TBL1X: variants seen among roughly 807,000 people sequenced by gnomAD.
TBL1X encodes transducin beta like 1 X-linked, also known as F-box-like/WD repeat-containing protein TBL1X.
A neutral mutation model predicts 50.7 loss-of-function variants in TBL1X; 10 were observed. The observed-to-expected ratio is 0.20, with a 90% CI of 0.12 to 0.33. The LOEUF is 0.33. Among genes scored for constraint, TBL1X ranks in the 10% least tolerant of loss-of-function variants. The pLI, the probability that TBL1X is intolerant of heterozygous loss-of-function variation, is 1.00. For synonymous variants in TBL1X, 190 were observed against 214.7 expected, an observed-to-expected ratio of 0.88 and a Z score of 1.01; for missense variants, 340 against 504.4, an observed-to-expected ratio of 0.67 and a Z score of 3.12.
chrX:9,591,421 G>T (rs1395988604), intron 2 of TBL1X, among the ~76,000 whole-genome samples: 3 of 112,203 alleles, frequency 2.7e-5, no homozygotes, highest in African/African-American at 9.7e-5. Flanking sequence ...TTGGCCAGCC[G>T]ATTCATGCAG....
chrX:9,640,796 A>T (rs1294213142), intron 3 of TBL1X, among the ~76,000 whole-genome samples: 1 of 111,045 alleles, frequency 9.0e-6, no homozygotes, highest in African/African-American at 3.3e-5. Context: ...ACACCTGGCT[A>T]ATTTTTAAAA....
At chrX:9,495,988 C>T (rs2081969330) in intron 1 of TBL1X, among the ~76,000 whole-genome samples, 2 of 112,208 alleles carry the variant, frequency 1.8e-5, no homozygotes, top group Admixed American at 1.9e-4. Flanking sequence ...AAATGTTAGC[C>T]AATAGGCAAA....
chrX:9,584,750 A>T (rs778927290), intron 2 of TBL1X, among the ~76,000 whole-genome samples: 25 of 112,048 alleles, frequency 2.2e-4, no homozygotes, highest in Non-Finnish European at 4.5e-4. Context: ...AGAATTGAGG[A>T]TATGCTACAT....
intron 1 of TBL1X, among the ~76,000 whole-genome samples, chrX:9,478,938 A>G (rs1235092474): frequency 8.9e-6 from 1 of 112,540 alleles, no homozygotes; most frequent in Non-Finnish European, 1.9e-5. Context: ...AAAGCTAGAA[A>G]TGTCCTGGCT....
intron 1 of TBL1X, among the ~76,000 whole-genome samples, chrX:9,477,589 A>G (rs1183258862): frequency 3.6e-5 from 4 of 112,182 alleles, no homozygotes; most frequent in Non-Finnish European, 7.5e-5. Flanking sequence ...GCTTGCCAAG[A>G]CGTCAGCTTT....
At chrX:9,682,458 T>C (rs1368809319) in intron 5 of TBL1X, among the ~76,000 whole-genome samples, 2 of 112,160 alleles carry the variant, frequency 1.8e-5, no homozygotes, top group East Asian at 5.6e-4. Flanking sequence ...AAATCTCAAC[T>C]ACACATTTGA....
intron 5 of TBL1X, among the ~76,000 whole-genome samples, chrX:9,670,640 A>G (rs1474116026): frequency 8.9e-6 from 1 of 112,473 alleles, no homozygotes; most frequent in Non-Finnish European, 1.9e-5. Flanking sequence ...CTGTAATCCT[A>G]GCAGCTGACA....
intron 2 of TBL1X, among the ~76,000 whole-genome samples, chrX:9,509,110 G>T (rs1010444119): frequency 9.3e-6 from 1 of 107,958 alleles, no homozygotes; most frequent in Non-Finnish European, 1.9e-5. Flanking sequence ...AGAAAAAGCC[G>T]GGTGCGGTGG....
intron 2 of TBL1X, among the ~76,000 whole-genome samples, chrX:9,532,045 C>A (rs779904635): frequency 3.9e-4 from 43 of 111,565 alleles, no homozygotes; most frequent in Middle Eastern, 4.6e-3. Flanking sequence ...CGCAAGAGCA[C>A]GTCTTTTAAA....
chrX:9,468,733 G>C (rs1007281714), intron 1 of TBL1X, among the ~76,000 whole-genome samples: 2 of 108,635 alleles, frequency 1.8e-5, no homozygotes, highest in African/African-American at 6.7e-5. Context: ...GTGGGTAGGA[G>C]TATATATATA....
intron 2 of TBL1X, among the ~76,000 whole-genome samples, chrX:9,531,344 G>C (rs776439503): frequency 1.2e-5 from 1 of 86,029 alleles, no homozygotes; most frequent in Non-Finnish European, 2.4e-5. Flanking sequence ...TTTGAACTAA[G>C]AACCTGGAGG....
chrX:9,658,212 T>G (rs5979144), intron 5 of TBL1X, among the ~76,000 whole-genome samples: 35,208 of 110,451 alleles, frequency 0.32, 4,270 homozygotes, highest in African/African-American at 0.35. Flanking sequence ...TTACCCAGTC[T>G]CAGGTATGTC....
At chrX:9,627,456 T>C (rs1376212593) in intron 2 of TBL1X, among the ~76,000 whole-genome samples, 1 of 112,189 alleles carries the variant, frequency 8.9e-6, no homozygotes, top group Non-Finnish European at 1.9e-5. Context: ...CCAAGACTTA[T>C]CTGAGTCAGG....
At chrX:9,714,850 A>G (rs1299137277) in intron 16 of TBL1X, 52 bp from the exon 17 acceptor site, 22 of 1,117,793 alleles carry the variant, frequency 2.0e-5, no homozygotes, top group Admixed American at 2.3e-5. Flanking sequence ...CCACACCTGC[A>G]TCTGTCGCAG....
chrX:9,574,746 G>A (rs2082402519), intron 2 of TBL1X, among the ~76,000 whole-genome samples: 2 of 111,473 alleles, frequency 1.8e-5, no homozygotes, highest in African/African-American at 6.5e-5. Context: ...GGTGGAACTG[G>A]CCTGTGCTTG....
At chrX:9,501,571 G>A (rs2521386) in intron 1 of TBL1X, among the ~76,000 whole-genome samples, 49,171 of 109,777 alleles carry the variant, frequency 0.45, 8,575 homozygotes, top group Admixed American at 0.62. Flanking sequence ...GGCTACTGCA[G>A]TGGTGGACTC....
At chrX:9,544,232 G>A (rs1012390955) in intron 2 of TBL1X, among the ~76,000 whole-genome samples, 2 of 112,596 alleles carry the variant, frequency 1.8e-5, no homozygotes, top group African/African-American at 6.5e-5. Flanking sequence ...CATGGGGCCT[G>A]TGAAACTCTG....
At chrX:9,577,002 AAAAC>A (rs1042995345) in intron 2 of TBL1X, among the ~76,000 whole-genome samples, 6 of 111,630 alleles carry the variant, frequency 5.4e-5, no homozygotes, top group Admixed American at 1.9e-4. Context: ...TCTGCCTCAA[AAAAC>A]AAACAAACAA....
chrX:9,663,424 C>T (rs73188226), intron 5 of TBL1X, among the ~76,000 whole-genome samples: 19,062 of 111,078 alleles, frequency 0.17, 1,299 homozygotes, highest in Non-Finnish European at 0.21. Context: ...GCTGGAGGAA[C>T]CCCCAGAGAA....
Sources: gnomAD v4.1 joint callset for allele counts (sites outside exome capture counted in the v4.1 genomes callset) on GRCh38, gnomAD v4.1.1 for gene constraint, MANE v1.5 for transcripts, NCBI Gene and HGNC (gene_info 2026-07-23, HGNC 2026-07-21) for gene names.